The following NDUFS7 variants were observed in gnomAD, a reference collection of about 807,000 sequenced individuals.
NDUFS7 encodes the protein NADH:ubiquinone oxidoreductase core subunit S7, also known as NADH dehydrogenase [ubiquinone] iron-sulfur protein 7, mitochondrial.
NDUFS7 carries 11 observed loss-of-function variants against 31.1 expected under a neutral mutation model. The observed-to-expected ratio is 0.35, with a 90% CI of 0.22 to 0.59. The LOEUF is 0.59. Ranked by LOEUF, NDUFS7 falls within the 20% of genes least tolerant of loss-of-function variation. NDUFS7 has a pLI of 0.79. For missense variants in NDUFS7, 263 were observed against 324.2 expected (o/e 0.81, Z 1.45); for synonymous variants, 136 against 127.9 (o/e 1.06, Z -0.43).
Position 1,393,948 on chromosome 19 carries a change from A to AG in NDUFS7, c.544+618_544+619insG. 1 of 236,544 alleles carries AG rather than the reference A, an allele frequency of 4.2e-6. No homozygotes were observed. The highest frequency in any genetic ancestry group is 8.5e-6 in the Non-Finnish European group (1 of 118,310). 14.7% of individuals were successfully genotyped at this position (236,544 alleles called of 1,614,324 possible). ...TCTGGTGATCCCGTGGGACTCTTGCACCTCACGTGGTCCCACGAGGGCCAT... is the reference window on the plus strand; with the variant it reads ...TCTGGTGATCCCGTGGGACTCTTGCAGCCTCACGTGGTCCCACGAGGGCCAT... On this transcript the variant is annotated intron_variant, in intron 7 of 7. Coordinates refer to ENST00000233627, the MANE Select transcript of NDUFS7 (RefSeq NM_024407.5). The surrounding 1 kb of genome is among the most constrained non-coding windows in gnomAD (Gnocchi z 7.3).
rs1568998281 is a variant in NDUFS7, at chr19:1,394,530, G to GGGGA, written c.545-861_545-860insGGGA. 1.2e-5 allele frequency: 15 copies of GGGGA among 1,257,628 alleles called. No individual in the cohort carries two copies. The East Asian group carries it at 4.9e-4, about 41-fold the overall frequency. 77.9% of individuals were successfully genotyped at this position (1,257,628 alleles called of 1,614,324 possible). A position where few individuals can be genotyped will look rare whatever the true frequency, so the allele number is the denominator to read the frequency against. The stretch of plus-strand genomic sequence containing the variant: ...GGACCGTGCTCCTCCCTCCCTCCCT[G>GGGGA]CGGACCGCGCTCCTCCCTCCCTGGG... On this transcript the variant is annotated intron_variant, in intron 7 of 7. Coordinates refer to ENST00000233627, the MANE Select transcript of NDUFS7 (RefSeq NM_024407.5).
intron 1 of NDUFS7, 96 bp downstream of exon 1, chr19:1,384,038 C>A: frequency 7.3e-7 from 1 of 1,366,178 alleles, no homozygotes; most frequent in South Asian, 1.5e-5. Flanking sequence ...GTGCCGGCGT[C>A]GTGGCCGCGG....
At chr19:1,394,362 A>C in intron 7 of NDUFS7, 1 of 1,288,514 alleles carries the variant, frequency 7.8e-7, no homozygotes, top group Non-Finnish European at 1.0e-6. Context: ...CTTCCCCTGC[A>C]GTGCAGACCA....
chr19:1,393,622 G>A lies in NDUFS7; in HGVS notation c.544+292G>A. On this transcript the variant is annotated intron_variant, in intron 7 of 7. Coordinates refer to ENST00000233627, the MANE Select transcript of NDUFS7 (RefSeq NM_024407.5). This position sits in a 1 kb window ranked among gnomAD's most constrained non-coding sequence, Gnocchi z 7.3. ...ATGGTCCTACCTGGCACAAACCAAA[G>A]ACCTGCAGTTAGAAATACCAAGCGA... 1.7e-6 allele frequency: 1 copy of A among 602,234 alleles called. No homozygotes were observed. The highest frequency in any genetic ancestry group is 2.8e-5 in the East Asian group (1 of 36,282). The allele number at this position is 602,234 out of a possible 1,614,324, so 37.3% of individuals were successfully genotyped here.
intron 7 of NDUFS7, chr19:1,394,625 G>A: frequency 1.6e-6 from 2 of 1,231,570 alleles, no homozygotes; most frequent in Non-Finnish European, 2.1e-6. Flanking sequence ...CCTCCCAGCG[G>A]ACCGCGCTCC....
chr19:1,393,280 C>T lies in NDUFS7; in HGVS notation c.494C>T (p.Ser165Leu), dbSNP rs1304446578. Residue 165 changes from serine (S) to leucine (L), a missense_variant, in exon 7 of 8, where the codon TCG (serine) becomes TTG (leucine). Physicochemically the swap from Ser to Leu is moderately radical, Grantham distance 145. Coordinates refer to ENST00000233627, the MANE Select transcript of NDUFS7 (RefSeq NM_024407.5). The surrounding 1 kb of genome is among the most constrained non-coding windows in gnomAD (Gnocchi z 7.3). ...GGAGGCTACTACCACTATTCCTACT[C>T]GGTGGTGAGGGGCTGCGACCGCATC... Reference protein sequence around the residue: ...NGGGYYHYSYSVVRGCDRIVP... With the variant: ...NGGGYYHYSYLVVRGCDRIVP... 8 of 1,588,490 alleles carry T rather than the reference C, an allele frequency of 5.0e-6. No individual in the cohort carries two copies. The highest frequency in any genetic ancestry group is 2.3e-5 in the South Asian group (2 of 86,958).
Position 1,388,532 on chromosome 19 carries a change from G to A in NDUFS7, c.61G>A (p.Val21Met), listed in dbSNP as rs777194361. ...CGTTCCATCTCCCGGCAGCTCCAGCGTGGGCCCGGCTGTGCAGGCACGAGG... is the reference window on the plus strand; with the variant it reads ...CGTTCCATCTCCCGGCAGCTCCAGCATGGGCCCGGCTGTGCAGGCACGAGG... ...GFRILGLRSS[V>M]GPAVQARGVH... Residue 21 changes from valine to methionine, a missense_variant, in exon 3 of 8, where the codon GTG becomes ATG. Val to Met is a conservative substitution (Grantham distance 21). Transcript: ENST00000233627. The A allele has an allele frequency of 8.1e-6, 13 of 1,611,294 alleles. No individual in the cohort carries two copies. Among genetic ancestry groups the A allele is most frequent in the Admixed American group, 6.7e-5 (4 of 59,986 alleles).
chr19:1,385,887 C>T (rs144522831), intron 1 of NDUFS7, among the ~76,000 whole-genome samples: 15 of 152,298 alleles, frequency 9.8e-5, no homozygotes, highest in African/African-American at 3.4e-4. Flanking sequence ...CAGAGGTTCT[C>T]AGAAGAGTAT....
intron 4 of NDUFS7, chr19:1,389,214 C>T: frequency 1.5e-6 from 1 of 681,182 alleles, no homozygotes; most frequent in Non-Finnish European, 2.7e-6. Context: ...CGCTTGCACA[C>T]ATACACACAT....
intron 1 of NDUFS7, among the ~76,000 whole-genome samples, chr19:1,387,571 C>T (rs1258799135): frequency 2.6e-5 from 4 of 152,158 alleles, no homozygotes; most frequent in East Asian, 1.9e-4. Context: ...CAGTGAAGAT[C>T]GCCAGGGCGG....
chr19:1,385,821 AAACAAC>A (rs528997553), intron 1 of NDUFS7, among the ~76,000 whole-genome samples: 9 of 152,110 alleles, frequency 5.9e-5, no homozygotes, highest in Non-Finnish European at 1.2e-4. Context: ...CTCCGTCTCA[AAACAAC>A]AACAACAACA....
Position 1,393,975 on chromosome 19 carries a change from C to A in NDUFS7, c.544+645C>A, listed in dbSNP as rs1156736486. The A allele has an allele frequency of 2.9e-5, 7 of 244,296 alleles. No individual in the cohort carries two copies. Among genetic ancestry groups the A allele is most frequent in the Non-Finnish European group, 3.3e-5 (4 of 122,868 alleles). The allele number at this position is 244,296 out of a possible 1,614,324, so 15.1% of individuals were successfully genotyped here. A position where few individuals can be genotyped will look rare whatever the true frequency, so the allele number is the denominator to read the frequency against. ...CTCACGTGGTCCCACGAGGGCCATC[C>A]CCCCGGGCGTTCACCTTGACAGTGG... is the stretch of plus-strand genomic sequence containing the variant. On this transcript the variant is annotated intron_variant, in intron 7 of 7. Coordinates refer to ENST00000233627, the MANE Select transcript of NDUFS7 (RefSeq NM_024407.5). The surrounding 1 kb of genome is among the most constrained non-coding windows in gnomAD (Gnocchi z 7.3).
At position 1,387,920 on chromosome 19, in the gene NDUFS7, TGG is replaced by T. The variant is rs1239965579; in HGVS notation, c.53+78_53+79del. 1.9e-3 allele frequency: 226 copies of T among 119,690 alleles called. 16 individuals are homozygous for T. The African/African-American group carries it at 0.025, about 13-fold the overall frequency. The allele number at this position is 119,690 out of a possible 1,614,324, so 7.4% of individuals were successfully genotyped here. The stretch of plus-strand genomic sequence containing the variant: ...CGACAGACGAACGGGGCGGGGGGGG[TGG>T]GGGGTGGGGGGAGCGCCTTGTTGAA... On this transcript the variant is annotated intron_variant, in intron 2 of 7. Coordinates refer to ENST00000233627, the MANE Select transcript of NDUFS7 (RefSeq NM_024407.5).
intron 6 of NDUFS7, 108 bp downstream of exon 6, chr19:1,391,273 A>G: frequency 7.2e-7 from 1 of 1,393,932 alleles, no homozygotes; most frequent in Non-Finnish European, 9.9e-7. Context: ...GTGAAATCCC[A>G]CGTGGTCCCG....
intron 2 of NDUFS7, 171 bp from the exon 3 acceptor site, chr19:1,388,354 G>A (rs1034093083): frequency 4.8e-5 from 32 of 665,668 alleles, no homozygotes; most frequent in Admixed American, 8.8e-5. Flanking sequence ...ATTGGGGGTC[G>A]GGGCGATGGC....
intron 1 of NDUFS7, chr19:1,386,498 C>T (rs2082508235): frequency 6.8e-6 from 1 of 146,426 alleles, no homozygotes; most frequent in African/African-American, 2.7e-5. Flanking sequence ...TTATAATGAC[C>T]CTTTATTTTA....
Position 1,388,305 on chromosome 19 carries a change from G to A in NDUFS7, c.54-220G>A. The A allele has an allele frequency of 6.5e-6, 4 of 618,492 alleles. No homozygotes were observed. The Admixed American group carries it at 7.5e-5, about 12-fold the overall frequency. The allele number at this position is 618,492 out of a possible 1,614,324, so 38.3% of individuals were successfully genotyped here. On this transcript the variant is annotated intron_variant, in intron 2 of 7. Transcript: ENST00000233627. ...TGCTTGGACACTGTTGACCTGCTGG[G>A]TACGTCACAAAAGAAGTTCCATTCA...
intron 6 of NDUFS7, chr19:1,392,268 T>G (rs1363504295): frequency 6.6e-6 from 1 of 152,282 alleles, no homozygotes; most frequent in Non-Finnish European, 1.5e-5. Flanking sequence ...TCCCCCAACC[T>G]TAGCCTCTCA....
intron 4 of NDUFS7, chr19:1,389,800 T>C: frequency 3.0e-6 from 1 of 329,474 alleles, no homozygotes; most frequent in South Asian, 2.5e-5. Context: ...TTCCTTTTGT[T>C]TTTTGTTTCC....
Sources: allele counts gnomAD v4.1 joint callset (sites outside exome capture counted in the v4.1 genomes callset), GRCh38; gene constraint gnomAD v4.1.1; non-coding constraint Gnocchi (gnomAD v3.1); transcripts MANE v1.5; gene names NCBI Gene and HGNC (gene_info 2026-07-23, HGNC 2026-07-21).